The following NPC1L1 variants were observed in gnomAD, a reference collection of about 807,000 sequenced individuals.
NPC1L1 encodes the protein NPC1 like intracellular cholesterol transporter 1.
Under a neutral mutation model 117.0 loss-of-function variants are expected in NPC1L1, and 98 were observed. The observed-to-expected ratio is 0.84, with a 90% CI of 0.71 to 0.99. The LOEUF is 0.99. Ranked by LOEUF, NPC1L1 falls within the 50% of genes least tolerant of loss-of-function variation. The pLI is 0.00. For missense variants in NPC1L1, 1,540 were observed against 1,710.0 expected, an observed-to-expected ratio of 0.90 and a Z score of 1.75; for synonymous variants, 729 against 727.6, an observed-to-expected ratio of 1.00 and a Z score of -0.03.
chr7:44,533,227 T>G, intron 8 of NPC1L1: 1 of 549,330 alleles, frequency 1.8e-6, no homozygotes, highest in Non-Finnish European at 3.2e-6. Context: ...GGAGGTTTGA[T>G]TATATTTAAA....
chr7:44,535,967 C>T lies in NPC1L1; in HGVS notation c.1856G>A (p.Arg619His), dbSNP rs1183815017. 13 of 1,613,008 alleles carry T rather than the reference C, an allele frequency of 8.1e-6. No individual in the cohort carries two copies. Among genetic ancestry groups the T allele is most frequent in the South Asian group, 1.1e-5 (1 of 91,012 alleles). ...GCGATTGATCTCGTCTTCCAGAGAG[C>T]GCTGTGGACACACACCCGACCAGCC... ...GMFQVTFMAE[R>H]SLEDEINRTT... Residue 619 changes from arginine (R) to histidine (H), a missense_variant and splice_region_variant, in exon 5 of 19, where the codon CGC becomes CAC. Coordinates refer to ENST00000381160, the MANE Select transcript of NPC1L1 (RefSeq NM_001101648.2).
chr7:44,513,266 G>A lies in NPC1L1; in HGVS notation c.*181C>T, dbSNP rs1801090464. 3 of 654,332 alleles carry A rather than the reference G, an allele frequency of 4.6e-6. No homozygotes were observed. The South Asian group carries it at 5.2e-5, about 11-fold the overall frequency. 40.5% of individuals were successfully genotyped at this position (654,332 alleles called of 1,614,324 possible). A position where few individuals can be genotyped will look rare whatever the true frequency, so the allele number is the denominator to read the frequency against. ...CTGGGGACCCACTATGGGAGCAGAG[G>A]AGCCATCAGTGGTGCTGCCTGGATA... On this transcript the variant is annotated 3_prime_UTR_variant, in exon 19 of 19. Coordinates refer to ENST00000381160, the MANE Select transcript of NPC1L1 (RefSeq NM_001101648.2).
At chr7:44,520,716 T>A (rs376653308) in intron 14 of NPC1L1, 49 bp downstream of exon 14, 5 of 1,566,354 alleles carry the variant, frequency 3.2e-6, no homozygotes, top group Non-Finnish European at 4.4e-6. Context: ...TCGGGGGCCC[T>A]CCAGAGCAAC....
In NPC1L1 at chr7:44,534,422, G is replaced by T. The variant is rs199890718; in HGVS notation, c.2166+25C>A. Reference sequence around the variant, plus strand: ...TTGGGAGAAGAGTGGGCAGTTGGGGGTGTGGAGAGCTCCTCCCTTCTTACC... The same window carrying T: ...TTGGGAGAAGAGTGGGCAGTTGGGGTTGTGGAGAGCTCCTCCCTTCTTACC... On this transcript the variant is annotated intron_variant, in intron 6 of 18. Coordinates refer to ENST00000381160, the MANE Select transcript of NPC1L1 (RefSeq NM_001101648.2). This position sits in a 1 kb window ranked among gnomAD's most constrained non-coding sequence, Gnocchi z 5.2. 9 of 1,612,846 alleles carry T rather than the reference G, an allele frequency of 5.6e-6. No homozygotes were observed. The highest frequency in any genetic ancestry group is 8.5e-7 in the Non-Finnish European group (1 of 1,178,850).
At chr7:44,519,322 T>G (rs890560149) in intron 14 of NPC1L1, among the ~76,000 whole-genome samples, 1 of 152,190 alleles carries the variant, frequency 6.6e-6, no homozygotes, top group Non-Finnish European at 1.5e-5. Flanking sequence ...TGGTGCAGAC[T>G]TGCCCCCGGT....
chr7:44,531,842 C>G lies in NPC1L1; in HGVS notation c.2550G>C (p.Leu850=). 6.3e-7 allele frequency: 1 copy of G among 1,580,116 alleles called. No individual in the cohort carries two copies. Among genetic ancestry groups the G allele is most frequent in the Non-Finnish European group, 8.6e-7 (1 of 1,162,888 alleles). The change falls in exon 10 of 19, where the codon CTG becomes CTC. Residue 850 remains leucine (L), a splice_region_variant and synonymous_variant. Transcript: ENST00000381160. ...LLHWITRGVV[L]LLFLALFGVS... ...CTCCGAACAGGGCGAGAAACAGCAGCAGCTGAGAAGGGACCTGCTGCATGA... is the reference window on the plus strand; with the variant it reads ...CTCCGAACAGGGCGAGAAACAGCAGGAGCTGAGAAGGGACCTGCTGCATGA...
chr7:44,529,110 A>AACACACACACACAC (rs59108479), intron 10 of NPC1L1, among the ~76,000 whole-genome samples: 1 of 123,012 alleles, frequency 8.1e-6, no homozygotes, highest in African/African-American at 3.2e-5. Context: ...GAATGAATTA[A>AACACACACACACAC]ACACACACAC....
At chr7:44,530,506 G>A (rs932545747) in intron 10 of NPC1L1, among the ~76,000 whole-genome samples, 17 of 152,030 alleles carry the variant, frequency 1.1e-4, no homozygotes, top group African/African-American at 3.9e-4. Context: ...TCACTGAACT[G>A]TACACTTAAA....
chr7:44,524,646 T>C (rs951085460), intron 10 of NPC1L1, among the ~76,000 whole-genome samples: 6 of 151,972 alleles, frequency 3.9e-5, no homozygotes, highest in African/African-American at 1.4e-4. Flanking sequence ...TCCCAGCTAC[T>C]TGGGAGGCTG....
At position 44,541,225 on chromosome 7, in the gene NPC1L1, C is replaced by A; in HGVS notation, c.35G>T (p.Trp12Leu). The change falls in exon 1 of 19, where the codon TGG becomes TTG. Residue 12 changes from tryptophan to leucine, a missense_variant. Physicochemically the swap from Trp to Leu is moderately conservative, Grantham distance 61 (BLOSUM62 -2). Coordinates refer to ENST00000381160, the MANE Select transcript of NPC1L1 (RefSeq NM_001101648.2). ...AEAGLRGWLL[W>L]ALLLRLAQSE... The stretch of plus-strand genomic sequence containing the variant: ...ACTCACCAAGCGCAGGAGCAGGGCC[C>A]ACAGCAGCCAGCCCCTCAGGCCGGC... 6.5e-7 allele frequency: 1 copy of A among 1,549,902 alleles called. No homozygotes were observed.
Position 44,534,952 on chromosome 7 carries a change from G to A in NPC1L1, c.1984-323C>T, listed in dbSNP as rs1801826306. ...TGTAACAGACAGAAAACTGCTCTTA[G>A]GCCAGGTGTGCTGGCTCACACCTGT... is the stretch of plus-strand genomic sequence containing the variant. On this transcript the variant is annotated intron_variant, in intron 5 of 18. Transcript: ENST00000381160. The surrounding 1 kb of genome is among the most constrained non-coding windows in gnomAD (Gnocchi z 5.2). Among the ~76,000 whole-genome samples, 1 of 152,164 alleles carries A rather than the reference G, an allele frequency of 6.6e-6. No homozygotes were observed. The highest frequency in any genetic ancestry group is 1.5e-5 in the Non-Finnish European group (1 of 68,028).
chr7:44,516,254 G>A, intron 16 of NPC1L1, 57 bp from the exon 17 acceptor site: 2 of 1,435,348 alleles, frequency 1.4e-6, no homozygotes, highest in South Asian at 2.4e-5. Context: ...AGGAACTAGG[G>A]AGATGAGGCC....
chr7:44,514,308 A>G (rs935606329), intron 18 of NPC1L1, among the ~76,000 whole-genome samples: 8 of 152,192 alleles, frequency 5.3e-5, no homozygotes, highest in African/African-American at 1.7e-4. Context: ...TTGAGCTTCC[A>G]TGTGCCTCAG....
chr7:44,536,238 G>T lies in NPC1L1; in HGVS notation c.1854+18C>A. The stretch of plus-strand genomic sequence containing the variant: ...ACCTGGGTTGCACCCCCAGAGCCAG[G>T]GACCCTGCAGCCCCTACCTCAGCCA... On this transcript the variant is annotated intron_variant, in intron 4 of 18. Coordinates refer to ENST00000381160, the MANE Select transcript of NPC1L1 (RefSeq NM_001101648.2). The surrounding 1 kb of genome is among the most constrained non-coding windows in gnomAD (Gnocchi z 4.7). The T allele has an allele frequency of 6.2e-7, 1 of 1,612,736 alleles. No homozygotes were observed. Among genetic ancestry groups the T allele is most frequent in the Non-Finnish European group, 8.5e-7 (1 of 1,179,970 alleles).
rs769370102 is a variant in NPC1L1 at position 44,515,756 on chromosome 7, G to A, written c.3796+47C>T. 2.7e-5 allele frequency: 44 copies of A among 1,611,826 alleles called. No homozygotes were observed. The East Asian group carries it at 4.7e-4, about 17-fold the overall frequency. On this transcript the variant is annotated intron_variant, in intron 18 of 18. Coordinates refer to ENST00000381160, the MANE Select transcript of NPC1L1 (RefSeq NM_001101648.2). ...GTGAGCATGCACTGTTACTGTTGTC[G>A]TCAGCATAATCATGACAGTCTGGTA...
intron 14 of NPC1L1, 69 bp from the exon 15 acceptor site, chr7:44,517,426 C>G (rs1190759125): frequency 3.8e-6 from 6 of 1,578,460 alleles, no homozygotes; most frequent in Non-Finnish European, 5.2e-6. Flanking sequence ...AACTTCAGAA[C>G]ACCGCAGACG....
chr7:44,521,596 C>A (rs2117032692), intron 12 of NPC1L1, 116 bp downstream of exon 12: 3 of 1,534,808 alleles, frequency 2.0e-6, no homozygotes, highest in Non-Finnish European at 1.8e-6. Context: ...ATGCCCCCGA[C>A]AGACCCTGCA....
At position 44,536,775 on chromosome 7, in the gene NPC1L1, C is replaced by T; in HGVS notation, c.1681+67G>A. 2.8e-6 allele frequency: 4 copies of T among 1,408,804 alleles called. No individual in the cohort carries two copies. The highest frequency in any genetic ancestry group is 4.0e-6 in the Non-Finnish European group (4 of 996,184). 87.3% of individuals were successfully genotyped at this position (1,408,804 alleles called of 1,614,324 possible). A position where few individuals can be genotyped will look rare whatever the true frequency, so the allele number is the denominator to read the frequency against. On this transcript the variant is annotated intron_variant, in intron 3 of 18. Coordinates refer to ENST00000381160, the MANE Select transcript of NPC1L1 (RefSeq NM_001101648.2). The surrounding 1 kb of genome is among the most constrained non-coding windows in gnomAD (Gnocchi z 4.7). ...GAATCCCCAGCACCACTCCCACCCT[C>T]CCGTCTATGGTTCCTGCCCCAATAC...
At chr7:44,541,145 C>T (rs1188666103) in intron 1 of NPC1L1, 61 bp downstream of exon 1, 2 of 1,524,694 alleles carry the variant, frequency 1.3e-6, no homozygotes, top group African/African-American at 2.8e-5. Flanking sequence ...TGGTACACGG[C>T]TGGCCCCAGG....
Sources: gnomAD v4.1 joint callset for allele counts (sites outside exome capture counted in the v4.1 genomes callset) on GRCh38, gnomAD v4.1.1 for gene constraint, Gnocchi (gnomAD v3.1) non-coding constraint, MANE v1.5 for transcripts, NCBI Gene and HGNC (gene_info 2026-07-23, HGNC 2026-07-21) for gene names.